Variants in FBXO4 observed in about 807,000 individuals in gnomAD.
FBXO4 encodes F-box only protein 4.
A neutral mutation model predicts 43.7 loss-of-function variants in FBXO4; 36 were observed. The ratio of observed to expected loss-of-function variants is 0.82; its 90% confidence interval spans 0.63 to 1.09. FBXO4 has a LOEUF of 1.09. FBXO4 is among the 50% of genes least tolerant of loss of function. The probability of loss-of-function intolerance (pLI) is 0.00; values close to 1 mark genes in which losing one functional copy is unlikely to be tolerated. For missense variants in FBXO4, 435 were observed against 474.1 expected (o/e 0.92, Z 0.77); for synonymous variants, 180 against 165.6 (o/e 1.09, Z -0.67).
intron 5 of FBXO4, among the ~76,000 whole-genome samples, chr5:41,938,368 T>C (rs752928759): frequency 1.8e-4 from 28 of 152,242 alleles, no homozygotes; most frequent in South Asian, 1.0e-3. Context: ...AAGTTGTAAC[T>C]AAGCCAGTAG....
chr5:42,034,720 T>C, the FBXO4 span, among the ~76,000 whole-genome samples: 1 of 152,242 alleles, frequency 6.6e-6, no homozygotes, highest in Admixed American at 6.5e-5. Context: ...TCTATTGGTC[T>C]ATGTATCTAT....
At chr5:41,979,210 C>T in the FBXO4 span, among the ~76,000 whole-genome samples, 4 of 152,172 alleles carry the variant, frequency 2.6e-5, no homozygotes, top group African/African-American at 9.7e-5. Context: ...ATCCAGACAA[C>T]CATAGGTCAT....
At chr5:41,981,040 C>T in the FBXO4 span, among the ~76,000 whole-genome samples, 1 of 151,918 alleles carries the variant, frequency 6.6e-6, no homozygotes, top group Non-Finnish European at 1.5e-5. Flanking sequence ...TATATAAGAG[C>T]CTTTCCCTGT....
At chr5:41,948,018 G>C in the FBXO4 span, among the ~76,000 whole-genome samples, 5 of 152,092 alleles carry the variant, frequency 3.3e-5, no homozygotes, top group African/African-American at 1.2e-4. Flanking sequence ...TGTCCGATCT[G>C]ATTAGTCTCT....
chr5:41,977,388 A>G, the FBXO4 span, among the ~76,000 whole-genome samples: 2 of 152,308 alleles, frequency 1.3e-5, no homozygotes, highest in Admixed American at 1.3e-4. Context: ...GTTCAACTTT[A>G]AGTCATTTAT....
the FBXO4 span, among the ~76,000 whole-genome samples, chr5:42,033,600 T>C: frequency 6.6e-6 from 1 of 152,028 alleles, no homozygotes; most frequent in African/African-American, 2.4e-5. Flanking sequence ...TGTGTTCATA[T>C]GTCCTCACTT....
chr5:42,029,629 T>A, the FBXO4 span, among the ~76,000 whole-genome samples: 3 of 151,972 alleles, frequency 2.0e-5, no homozygotes, highest in Non-Finnish European at 4.4e-5. Context: ...TTTATTGTTT[T>A]TATTTATTTT....
At chr5:41,998,705 A>G in the FBXO4 span, among the ~76,000 whole-genome samples, 18 of 152,138 alleles carry the variant, frequency 1.2e-4, no homozygotes, top group Non-Finnish European at 2.2e-4. Flanking sequence ...GGGGATGGGG[A>G]AGCTATTTCT....
At chr5:41,935,090 A>T in intron 5 of FBXO4, 1 of 985,292 alleles carries the variant, frequency 1.0e-6, no homozygotes, top group African/African-American at 1.7e-5. Flanking sequence ...GCAAAATAAA[A>T]GATAAGTTCA....
downstream of FBXO4, among the ~76,000 whole-genome samples, chr5:41,944,894 C>G (rs1752055364): frequency 6.6e-6 from 1 of 152,154 alleles, no homozygotes; most frequent in Non-Finnish European, 1.5e-5. Flanking sequence ...ACGAAAGAAG[C>G]AAGGGTCTTA....
At chr5:41,927,590 C>T (rs752323140) in intron 2 of FBXO4, among the ~76,000 whole-genome samples, 1 of 152,150 alleles carries the variant, frequency 6.6e-6, no homozygotes, top group Non-Finnish European at 1.5e-5. Context: ...TGATCAGAGA[C>T]CCCTGTTGTT....
chr5:41,996,241 G>A, the FBXO4 span, among the ~76,000 whole-genome samples: 9 of 152,156 alleles, frequency 5.9e-5, no homozygotes, highest in East Asian at 3.8e-4. Context: ...TGCTGTGCAC[G>A]ACCCACTTTA....
At chr5:41,968,789 A>T in the FBXO4 span, among the ~76,000 whole-genome samples, 1 of 152,016 alleles carries the variant, frequency 6.6e-6, no homozygotes, top group East Asian at 1.9e-4. Flanking sequence ...CTCTATGTAA[A>T]TTTTTTTAAT....
chr5:41,965,344 T>C, the FBXO4 span, among the ~76,000 whole-genome samples: 3 of 152,212 alleles, frequency 2.0e-5, no homozygotes, highest in South Asian at 2.1e-4. Flanking sequence ...TTCTTTTGGC[T>C]TAGGATTGAC....
chr5:41,954,810 T>C, the FBXO4 span, among the ~76,000 whole-genome samples: 2 of 152,118 alleles, frequency 1.3e-5, no homozygotes, highest in Non-Finnish European at 2.9e-5. Context: ...CAGTTGTTAA[T>C]TAAGTTGTTA....
At chr5:41,958,610 GC>G in the FBXO4 span, among the ~76,000 whole-genome samples, 1 of 151,834 alleles carries the variant, frequency 6.6e-6, no homozygotes, top group African/African-American at 2.4e-5. Flanking sequence ...TATAAATTTG[GC>G]TTTTTTACAT....
chr5:42,029,939 G>C, the FBXO4 span, among the ~76,000 whole-genome samples: 2,435 of 151,990 alleles, frequency 0.016, 120 homozygotes, highest in East Asian at 0.1. Flanking sequence ...ACAAACCACT[G>C]CTCAATGAAA....
chr5:42,036,939 A>C, the FBXO4 span, among the ~76,000 whole-genome samples: 1 of 152,064 alleles, frequency 6.6e-6, no homozygotes. Flanking sequence ...GTACTAAAGA[A>C]AGGCTAATCC....
chr5:41,999,310 T>C, the FBXO4 span, among the ~76,000 whole-genome samples: 1 of 149,860 alleles, frequency 6.7e-6, no homozygotes, highest in Non-Finnish European at 1.5e-5. Flanking sequence ...CCATCCTTAG[T>C]ATTCTGTTCC....
Sources: allele counts gnomAD v4.1 joint callset (sites outside exome capture counted in the v4.1 genomes callset), GRCh38; gene constraint gnomAD v4.1.1; transcripts MANE v1.5; gene names NCBI Gene and HGNC (gene_info 2026-07-23, HGNC 2026-07-21).